TMEM131L: variants seen among roughly 807,000 people sequenced by gnomAD.
TMEM131L encodes transmembrane protein 131-like.
Under a neutral mutation model 192.2 loss-of-function variants are expected in TMEM131L, and 54 were observed. The observed-to-expected ratio is 0.28, with a 90% CI of 0.23 to 0.35. The LOEUF (loss-of-function observed/expected upper bound fraction) is 0.35, where lower values mean the gene tolerates loss of function less well. Ranked by LOEUF, TMEM131L falls within the 10% of genes least tolerant of loss-of-function variation. The pLI is 1.00. For synonymous variants in TMEM131L, 701 were observed against 704.9 expected, an observed-to-expected ratio of 0.99 and a Z score of 0.09; for missense variants, 1,888 against 1,972.9, an observed-to-expected ratio of 0.96 and a Z score of 0.82.
intron 25 of TMEM131L, among the ~76,000 whole-genome samples, chr4:153,610,035 G>A (rs2126545130): frequency 6.6e-6 from 1 of 152,310 alleles, no homozygotes; most frequent in Non-Finnish European, 1.5e-5. Flanking sequence ...CTGTCCTAAA[G>A]AATGACTTTT....
At chr4:153,621,082 A>G (rs576972352) in intron 27 of TMEM131L, among the ~76,000 whole-genome samples, 2 of 152,362 alleles carry the variant, frequency 1.3e-5, no homozygotes, top group East Asian at 1.9e-4. Flanking sequence ...AATACCTTAA[A>G]GTGACCATTT....
chr4:153,508,573 TCGTTGATAATGTTTTCCA>T (rs1734139061), intron 3 of TMEM131L, among the ~76,000 whole-genome samples: 1 of 152,202 alleles, frequency 6.6e-6, no homozygotes, highest in African/African-American at 2.4e-5. Context: ...CACATCTGTA[TCGTTGATAATGTTTTCCA>T]CTAAATAGAC....
In TMEM131L at chr4:153,503,343, AC is replaced by A. The variant is rs533746665; in HGVS notation, c.239+29456del. 2.2e-4 allele frequency among the ~76,000 whole-genome samples: 33 copies of A among 152,294 alleles called. No homozygotes were observed. The East Asian group carries it at 5.4e-3, about 25-fold the overall frequency. ...ACTTGTAAAATTGTACAAAGATAGGACAGGATTAACCTTTTAGGTAGGATAG... is the reference window on the plus strand; with the variant it reads ...ACTTGTAAAATTGTACAAAGATAGGAAGGATTAACCTTTTAGGTAGGATAG... On this transcript the variant is annotated intron_variant, in intron 3 of 34. Transcript: ENST00000409959.
chr4:153,564,969 C>G (rs1192989737), intron 7 of TMEM131L, among the ~76,000 whole-genome samples: 2 of 152,174 alleles, frequency 1.3e-5, no homozygotes, highest in Non-Finnish European at 2.9e-5. Context: ...ACATGCCATC[C>G]CTTTTCCACA....
chr4:153,636,366 G>A lies in TMEM131L; in HGVS notation c.4623G>A (p.Pro1541=), dbSNP rs375188134. 18 of 1,613,810 alleles carry A rather than the reference G, an allele frequency of 1.1e-5. No individual in the cohort carries two copies. The highest frequency in any genetic ancestry group is 4.0e-5 in the African/African-American group (3 of 74,812). The change falls in exon 35 of 35, where the codon CCG becomes CCA. Residue 1541 remains proline, a synonymous_variant. Coordinates refer to ENST00000409959, the MANE Select transcript of TMEM131L (RefSeq NM_001131007.2). ...MSGLFGSIWA[P]QSDVYENCCP... is the part of the protein sequence containing the mutation. ...GACTTTTTGGTTCCATCTGGGCCCC[G>A]CAAAGCGATGTGTATGAAAATTGCT...
intron 2 of TMEM131L, among the ~76,000 whole-genome samples, chr4:153,468,282 A>G (rs1320887146): frequency 6.6e-6 from 1 of 152,226 alleles, no homozygotes; most frequent in Non-Finnish European, 1.5e-5. Flanking sequence ...GCTAATGAAT[A>G]ACAGCTTCAA....
intron 3 of TMEM131L, among the ~76,000 whole-genome samples, chr4:153,536,387 G>T (rs1359568884): frequency 6.6e-6 from 1 of 152,202 alleles, no homozygotes; most frequent in Non-Finnish European, 1.5e-5. Context: ...CATATGAGTG[G>T]CATCTGTATA....
rs1174502210 is a variant in TMEM131L at position 153,634,194 on chromosome 4, T to G, written c.4331T>G (p.Phe1444Cys). 1.9e-6 allele frequency: 3 copies of G among 1,613,768 alleles called. No homozygotes were observed. The South Asian group carries it at 3.3e-5, about 18-fold the overall frequency. ...AGACCACTTGTTTTTTGTGGCAGTT[T>G]CATTGATTGGAGTGCAACATGCGAA... ...IQESAPVHNSFIDWSATCEGQ... is the reference protein window; with the variant it reads ...IQESAPVHNSCIDWSATCEGQ... The change falls in exon 33 of 35, where the codon TTC becomes TGC. Residue 1444 changes from phenylalanine to cysteine, a missense_variant and splice_region_variant. Coordinates refer to ENST00000409959, the MANE Select transcript of TMEM131L (RefSeq NM_001131007.2).
intron 3 of TMEM131L, among the ~76,000 whole-genome samples, chr4:153,516,562 T>C (rs1484791176): frequency 6.6e-6 from 1 of 152,156 alleles, no homozygotes; most frequent in Admixed American, 6.5e-5. Flanking sequence ...TGAAGTTTAT[T>C]TAAAAGGAAA....
intron 7 of TMEM131L, among the ~76,000 whole-genome samples, chr4:153,560,410 C>T (rs1284629020): frequency 6.6e-6 from 1 of 152,206 alleles, no homozygotes. Flanking sequence ...GTCTTTGTTT[C>T]TGCTTCAGAA....
rs544834433 is a variant in TMEM131L at position 153,596,433 on chromosome 4, C to T, written c.2123+48C>T. ...ATCTGTTTCTTTCTCAATGACTCAT[C>T]TGTGTAAATCTCTTTAGCTGATAGT... On this transcript the variant is annotated intron_variant, in intron 20 of 34. Transcript: ENST00000409959. 4.1e-5 allele frequency: 65 copies of T among 1,600,294 alleles called. 1 individual carries two copies. In the South Asian group the frequency reaches 6.1e-4, roughly 15 times the overall value.
chr4:153,636,675 T>C lies in TMEM131L; in HGVS notation c.*99T>C. On this transcript the variant is annotated 3_prime_UTR_variant, in exon 35 of 35. Coordinates refer to ENST00000409959, the MANE Select transcript of TMEM131L (RefSeq NM_001131007.2). ...ATAGATTATGACATTGGTGGATATT[T>C]TGGCACTTTTATATGAAAATAAATT... 8.1e-7 allele frequency: 1 copy of C among 1,238,844 alleles called. No homozygotes were observed. Among genetic ancestry groups the C allele is most frequent in the Non-Finnish European group, 1.1e-6 (1 of 895,688 alleles). 76.7% of individuals were successfully genotyped at this position (1,238,844 alleles called of 1,614,324 possible). A position where few individuals can be genotyped will look rare whatever the true frequency, so the allele number is the denominator to read the frequency against.
chr4:153,540,123 CA>C (rs778006121), intron 3 of TMEM131L, among the ~76,000 whole-genome samples: 2 of 126,676 alleles, frequency 1.6e-5, no homozygotes, highest in African/African-American at 8.2e-5. Context: ...AAAATAAAAA[CA>C]AAAAAACAAA....
In TMEM131L at chr4:153,627,671, T is replaced by C; in HGVS notation, c.4191T>C (p.Gly1397=). Reference sequence around the variant, plus strand: ...CCAGCCTTCCTGCCGGGCCCACAGGTGTTGAAGAAGATAAAGGTGAGATGC... The same window carrying C: ...CCAGCCTTCCTGCCGGGCCCACAGGCGTTGAAGAAGATAAAGGTGAGATGC... ...SCPSLPAGPT[G]VEEDKGLYSP... The change falls in exon 31 of 35, where the codon GGT becomes GGC. Residue 1397 remains glycine, a synonymous_variant. Transcript: ENST00000409959. 6.2e-7 allele frequency: 1 copy of C among 1,613,342 alleles called. No individual in the cohort carries two copies. Among genetic ancestry groups the C allele is most frequent in the Non-Finnish European group, 8.5e-7 (1 of 1,179,504 alleles).
At chr4:153,612,547 A>G in intron 26 of TMEM131L, 147 bp downstream of exon 26, 1 of 581,238 alleles carries the variant, frequency 1.7e-6, no homozygotes, top group South Asian at 2.4e-5. Flanking sequence ...AGAGAATTTT[A>G]TTTACCTTCT....
rs1242615619 is a variant in TMEM131L, at chr4:153,557,024, G to A, written c.491G>A (p.Gly164Glu). Residue 164 changes from glycine (G) to glutamate (E), a missense_variant, in exon 6 of 35, where the codon GGA becomes GAA. Coordinates refer to ENST00000409959, the MANE Select transcript of TMEM131L (RefSeq NM_001131007.2). Reference protein sequence around the residue: ...FRIIFLPTEEGSIESSLFINT... With the variant: ...FRIIFLPTEEESIESSLFINT... ...ATTATTTTCTTACCTACTGAAGAAG[G>A]AAGCATTGAAAGTTCCTTATTTATT... The A allele has an allele frequency of 6.2e-7, 1 of 1,600,814 alleles. No homozygotes were observed. The highest frequency in any genetic ancestry group is 8.6e-7 in the Non-Finnish European group (1 of 1,169,076).
chr4:153,474,108 G>A (rs907296545), intron 3 of TMEM131L, among the ~76,000 whole-genome samples: 1 of 152,080 alleles, frequency 6.6e-6, no homozygotes, highest in African/African-American at 2.4e-5. Context: ...CCCCTCCTTC[G>A]CCACTCACCA....
At position 153,580,850 on chromosome 4, in the gene TMEM131L, T is replaced by C. The variant is rs78217409; in HGVS notation, c.685T>C (p.Leu229=). The change falls in exon 8 of 35, where the codon TTG becomes CTG. Residue 229 remains leucine (L), a synonymous_variant. Coordinates refer to ENST00000409959, the MANE Select transcript of TMEM131L (RefSeq NM_001131007.2). ...GGCAGAAACCACTAATACTAGCCTC[T>C]TGCAGGTGCAACTGGAATGCAGTTT... is the stretch of plus-strand genomic sequence containing the variant. ...MQAETTNTSL[L]QVQLECSLHN... is the part of the protein sequence containing the mutation. 1.8e-3 allele frequency: 2,944 copies of C among 1,612,840 alleles called. 73 individuals carry two copies. The East Asian group carries it at 0.048, about 27-fold the overall frequency.
At chr4:153,548,076 C>G (rs755516671) in intron 3 of TMEM131L, among the ~76,000 whole-genome samples, 27 of 151,796 alleles carry the variant, frequency 1.8e-4, no homozygotes, top group Non-Finnish European at 2.6e-4. Flanking sequence ...GGAGTAGGGT[C>G]CCTGTGGTGG....
Sources: allele counts gnomAD v4.1 joint callset (sites outside exome capture counted in the v4.1 genomes callset), GRCh38; gene constraint gnomAD v4.1.1; transcripts MANE v1.5; gene names NCBI Gene and HGNC (gene_info 2026-07-23, HGNC 2026-07-21).